Variants in ZFYVE9 observed in about 807,000 individuals in gnomAD.
ZFYVE9 encodes the protein zinc finger FYVE-type containing 9.
A neutral mutation model predicts 126.7 loss-of-function variants in ZFYVE9; 43 were observed. The observed-to-expected ratio is 0.34, with a 90% CI of 0.27 to 0.44. ZFYVE9 has a LOEUF of 0.44. ZFYVE9 is among the 20% of genes least tolerant of loss of function. The pLI is 1.00. For missense variants in ZFYVE9, 1,476 were observed against 1,697.0 expected, an observed-to-expected ratio of 0.87 and a Z score of 2.29; for synonymous variants, 521 against 597.4, an observed-to-expected ratio of 0.87 and a Z score of 1.87.
intron 15 of ZFYVE9, among the ~76,000 whole-genome samples, chr1:52,337,124 C>T (rs928495639): frequency 1.3e-5 from 2 of 152,054 alleles, no homozygotes; most frequent in East Asian, 1.9e-4. Flanking sequence ...TATTGAGACT[C>T]TTTAGAAATT....
chr1:52,212,986 G>A (rs1572104800), intron 1 of ZFYVE9, among the ~76,000 whole-genome samples: 1 of 152,106 alleles, frequency 6.6e-6, no homozygotes, highest in East Asian at 1.9e-4. Flanking sequence ...CATTTGTACT[G>A]TTTTATGTTG....
intron 1 of ZFYVE9, among the ~76,000 whole-genome samples, chr1:52,157,468 T>G (rs1209244097): frequency 7.3e-6 from 1 of 136,976 alleles, no homozygotes; most frequent in Non-Finnish European, 1.5e-5. Context: ...TGGTGTGGTC[T>G]CAGCTCACTG....
chr1:52,322,708 C>T (rs895669881), intron 13 of ZFYVE9, among the ~76,000 whole-genome samples: 1 of 151,774 alleles, frequency 6.6e-6, no homozygotes, highest in Admixed American at 6.6e-5. Context: ...TATCATATCA[C>T]TCCTCTGCTT....
chr1:52,227,132 A>C (rs1222517703), intron 2 of ZFYVE9, among the ~76,000 whole-genome samples: 1 of 152,234 alleles, frequency 6.6e-6, no homozygotes, highest in Non-Finnish European at 1.5e-5. Flanking sequence ...TTTTCCATGT[A>C]AGCTGTAAGG....
At chr1:52,338,612 T>A (rs1414730137) in intron 16 of ZFYVE9, among the ~76,000 whole-genome samples, 1 of 152,244 alleles carries the variant, frequency 6.6e-6, no homozygotes, top group African/African-American at 2.4e-5. Flanking sequence ...GTTTTGTTTT[T>A]AACATTGCTA....
intron 2 of ZFYVE9, among the ~76,000 whole-genome samples, chr1:52,224,974 G>T (rs1645156096): frequency 6.6e-6 from 1 of 152,010 alleles, no homozygotes; most frequent in African/African-American, 2.4e-5. Flanking sequence ...AGTATTGGTG[G>T]GTTGGTGTAA....
At chr1:52,341,986 C>T (rs1490052924) in intron 17 of ZFYVE9, among the ~76,000 whole-genome samples, 1 of 152,194 alleles carries the variant, frequency 6.6e-6, no homozygotes, top group Non-Finnish European at 1.5e-5. Flanking sequence ...GGTAGGCAAG[C>T]TACCCATCCT....
At chr1:52,164,098 C>T (rs1014146806) in intron 1 of ZFYVE9, among the ~76,000 whole-genome samples, 4 of 151,558 alleles carry the variant, frequency 2.6e-5, no homozygotes, top group Admixed American at 6.6e-5. Flanking sequence ...ACTATAGATG[C>T]GCACCACCAC....
At chr1:52,256,039 T>G (rs28821779) in intron 4 of ZFYVE9, among the ~76,000 whole-genome samples, 9 of 57,188 alleles carry the variant, frequency 1.6e-4, no homozygotes, top group African/African-American at 1.1e-3. Flanking sequence ...CTGTCTTTCT[T>G]TCTTTCTCTC....
chr1:52,297,692 A>G (rs940899327), intron 12 of ZFYVE9, among the ~76,000 whole-genome samples: 2 of 150,820 alleles, frequency 1.3e-5, no homozygotes, highest in African/African-American at 4.9e-5. Context: ...ATTTCCAGTT[A>G]TCTTTTTTTT....
chr1:52,276,882 A>G (rs1310694887), intron 8 of ZFYVE9, among the ~76,000 whole-genome samples: 2 of 152,312 alleles, frequency 1.3e-5, no homozygotes, highest in Non-Finnish European at 1.5e-5. Flanking sequence ...GAAATTCTTC[A>G]TCTTATTTTA....
intron 4 of ZFYVE9, among the ~76,000 whole-genome samples, chr1:52,249,926 A>G (rs1390967121): frequency 2.0e-5 from 3 of 152,240 alleles, no homozygotes; most frequent in Non-Finnish European, 4.4e-5. Context: ...ACTGGACCAT[A>G]TAAGTGAGAG....
intron 1 of ZFYVE9, among the ~76,000 whole-genome samples, chr1:52,168,300 T>C (rs1572069270): frequency 1.4e-5 from 2 of 139,634 alleles, no homozygotes; most frequent in Admixed American, 1.5e-4. Flanking sequence ...TACTGCAACC[T>C]CTGCTGCCCA....
At chr1:52,335,901 A>T (rs745530960) in intron 15 of ZFYVE9, among the ~76,000 whole-genome samples, 95 of 152,250 alleles carry the variant, frequency 6.2e-4, no homozygotes, top group Non-Finnish European at 9.9e-4. Flanking sequence ...TGGGAGGCCG[A>T]GGGGGGCAGA....
intron 1 of ZFYVE9, among the ~76,000 whole-genome samples, chr1:52,199,324 A>G (rs1442323578): frequency 6.6e-6 from 1 of 151,822 alleles, no homozygotes; most frequent in African/African-American, 2.4e-5. Context: ...CGGCTTCCCG[A>G]AGTGCTGGGA....
chr1:52,325,207 A>G (rs963588943), intron 13 of ZFYVE9, among the ~76,000 whole-genome samples: 2 of 152,106 alleles, frequency 1.3e-5, no homozygotes, highest in Non-Finnish European at 2.9e-5. Flanking sequence ...TGAACCCGGG[A>G]GGCAGAGCTT....
intron 8 of ZFYVE9, among the ~76,000 whole-genome samples, chr1:52,275,827 T>A (rs979261904): frequency 1.3e-5 from 2 of 152,120 alleles, no homozygotes; most frequent in Non-Finnish European, 2.9e-5. Flanking sequence ...ATAGATATTA[T>A]CTTATATTGC....
At chr1:52,209,006 G>A (rs1302813250) in intron 1 of ZFYVE9, among the ~76,000 whole-genome samples, 2 of 152,202 alleles carry the variant, frequency 1.3e-5, no homozygotes, top group Non-Finnish European at 2.9e-5. Context: ...CAAGTAGTGA[G>A]CACATGCTGT....
chr1:52,192,650 G>A (rs1219097334), intron 1 of ZFYVE9, among the ~76,000 whole-genome samples: 1 of 152,102 alleles, frequency 6.6e-6, no homozygotes, highest in Non-Finnish European at 1.5e-5. Flanking sequence ...GAAAATATTT[G>A]CATCATATTT....
Sources: gnomAD v4.1 joint callset for allele counts (sites outside exome capture counted in the v4.1 genomes callset) on GRCh38, gnomAD v4.1.1 for gene constraint, MANE v1.5 for transcripts, NCBI Gene and HGNC (gene_info 2026-07-23, HGNC 2026-07-21) for gene names.